The following NT5C3A variants were observed in gnomAD, a reference collection of about 807,000 sequenced individuals.
NT5C3A encodes cytosolic 5'-nucleotidase 3A.
NT5C3A carries 23 observed loss-of-function variants against 40.0 expected under a neutral mutation model. That is an observed-to-expected ratio of 0.58 (90% CI 0.41 to 0.81). The LOEUF is 0.81. Among genes scored for constraint, NT5C3A ranks in the 40% least tolerant of loss-of-function variants. The probability of loss-of-function intolerance (pLI) is 0.00; values close to 1 mark genes in which losing one functional copy is unlikely to be tolerated. For synonymous variants in NT5C3A, 130 were observed against 141.4 expected (o/e 0.92, Z 0.57); for missense variants, 328 against 403.0 (o/e 0.81, Z 1.59).
intron 7 of NT5C3A, chr7:33,017,175 T>G (rs1583891172): frequency 2.5e-6 from 1 of 401,936 alleles, no homozygotes; most frequent in Non-Finnish European, 4.2e-6. Context: ...AGAGTGAGAC[T>G]CCATCTCAAA....
intron 1 of NT5C3A, among the ~76,000 whole-genome samples, chr7:33,052,880 A>G (rs1787427020): frequency 6.6e-6 from 1 of 152,196 alleles, no homozygotes; most frequent in African/African-American, 2.4e-5. Context: ...TAACTCGCAT[A>G]TATAACAAGT....
chr7:33,029,970 A>G (rs530357705), intron 1 of NT5C3A, among the ~76,000 whole-genome samples: 64 of 152,338 alleles, frequency 4.2e-4, no homozygotes, highest in African/African-American at 1.5e-3. Flanking sequence ...TTGTGTATTC[A>G]TAAGTAGTGA....
Position 33,042,580 on chromosome 7 carries a change from T to A in NT5C3A, c.139-15665A>T, listed in dbSNP as rs1583951712. On this transcript the variant is annotated intron_variant, in intron 1 of 8. Coordinates refer to ENST00000610140, the MANE Select transcript of NT5C3A (RefSeq NM_001002010.5). ...AAATGATGACTTAAATGTACTTTAA[T>A]ATTATTAGAGTTGACAATGGTAAGA... Among the ~76,000 whole-genome samples the A allele has an allele frequency of 2.0e-5, 3 of 152,218 alleles. No homozygotes were observed. In the South Asian group the frequency reaches 6.2e-4, roughly 32 times the overall value.
At chr7:33,049,766 G>A (rs971549707) in intron 1 of NT5C3A, among the ~76,000 whole-genome samples, 1 of 151,768 alleles carries the variant, frequency 6.6e-6, no homozygotes, top group Non-Finnish European at 1.5e-5. Flanking sequence ...TCAGGAGATC[G>A]AGACCATCCT....
At chr7:33,017,667 T>A in intron 6 of NT5C3A, 66 bp from the exon 7 acceptor site, 1 of 1,266,206 alleles carries the variant, frequency 7.9e-7, no homozygotes, top group African/African-American at 1.5e-5. Flanking sequence ...ACTTAGAAGC[T>A]AAAAAAGTGA....
chr7:33,035,436 G>A (rs1011453927), intron 1 of NT5C3A, among the ~76,000 whole-genome samples: 6 of 151,930 alleles, frequency 3.9e-5, no homozygotes, highest in South Asian at 2.1e-4. Context: ...CTGGTGATCC[G>A]CCCGCCTCGG....
chr7:33,062,662 G>A lies in NT5C3A; in HGVS notation c.44C>T (p.Ala15Val). Reference protein sequence around the residue: ...AVARVGAVASASVCALVAGVV... With the variant: ...AVARVGAVASVSVCALVAGVV... The stretch of plus-strand genomic sequence containing the variant: ...CCCCGCCACCAGGGCGCACACGCTG[G>A]CGCTCGCTACCGCGCCCACCCTCGC... The change falls in exon 1 of 9, where the codon GCC becomes GTC. Residue 15 changes from alanine (A) to valine (V), a missense_variant. By Grantham distance (64) the Ala-to-Val change is moderately conservative (BLOSUM62 0). Around this residue, in one of 3 missense-constraint regions of NT5C3A, gnomAD observed 280 missense variants for 317.2 expected, o/e 0.88. Transcript: ENST00000610140. 3.8e-6 allele frequency: 6 copies of A among 1,588,840 alleles called. No homozygotes were observed. The highest frequency in any genetic ancestry group is 5.1e-6 in the Non-Finnish European group (6 of 1,168,722).
chr7:33,035,189 G>GCT (rs746357500), intron 1 of NT5C3A, among the ~76,000 whole-genome samples: 1 of 106,204 alleles, frequency 9.4e-6, no homozygotes, highest in Non-Finnish European at 1.8e-5. Context: ...TAAGGAATGA[G>GCT]TTTTTTTTTT....
chr7:33,045,615 A>G (rs1360878020), intron 1 of NT5C3A, among the ~76,000 whole-genome samples: 2 of 151,768 alleles, frequency 1.3e-5, no homozygotes, highest in African/African-American at 4.8e-5. Context: ...GTGCGCCACC[A>G]CACCTGGCTA....
chr7:33,059,854 T>C (rs1221712463), intron 1 of NT5C3A, among the ~76,000 whole-genome samples: 1 of 152,248 alleles, frequency 6.6e-6, no homozygotes, highest in Non-Finnish European at 1.5e-5. Flanking sequence ...TCTAATCATC[T>C]TTCGCAAGCA....
chr7:33,056,626 C>T (rs776036304), intron 1 of NT5C3A, among the ~76,000 whole-genome samples: 18 of 151,582 alleles, frequency 1.2e-4, no homozygotes, highest in Non-Finnish European at 2.5e-4. Flanking sequence ...GAGCCATGAT[C>T]GCTTCATTGC....
intron 1 of NT5C3A, among the ~76,000 whole-genome samples, chr7:33,030,222 G>A (rs1786169059): frequency 6.6e-6 from 1 of 152,154 alleles, no homozygotes; most frequent in Admixed American, 6.5e-5. Flanking sequence ...ATATGTCAAA[G>A]AGTATCATAA....
chr7:33,052,308 A>C (rs550276063), intron 1 of NT5C3A, among the ~76,000 whole-genome samples: 2 of 152,012 alleles, frequency 1.3e-5, no homozygotes, highest in South Asian at 2.1e-4. Context: ...ACATGGTGAA[A>C]CCTCGTCTCT....
chr7:33,060,002 A>G (rs1787714340), intron 1 of NT5C3A, among the ~76,000 whole-genome samples: 1 of 152,108 alleles, frequency 6.6e-6, no homozygotes, highest in African/African-American at 2.4e-5. Flanking sequence ...CCCAAGCTTG[A>G]GTGCAATGGT....
chr7:33,060,232 C>T (rs926405674), intron 1 of NT5C3A, among the ~76,000 whole-genome samples: 49 of 152,130 alleles, frequency 3.2e-4, no homozygotes, highest in African/African-American at 1.2e-3. Context: ...GGATTGCAGG[C>T]GTGAGCCACT....
intron 1 of NT5C3A, among the ~76,000 whole-genome samples, chr7:33,057,818 G>C (rs1208616021): frequency 6.6e-6 from 1 of 152,176 alleles, no homozygotes; most frequent in Non-Finnish European, 1.5e-5. Flanking sequence ...TTTTTAACTG[G>C]TTGTGGAGGT....
chr7:33,036,058 G>T, intron 1 of NT5C3A: 1 of 1,214,800 alleles, frequency 8.2e-7, no homozygotes, highest in Admixed American at 1.7e-5. Flanking sequence ...ATAAATTTCA[G>T]GTTCTTCCTG....
At chr7:33,040,959 C>T (rs766180994) in intron 1 of NT5C3A, 2 of 985,226 alleles carry the variant, frequency 2.0e-6, no homozygotes, top group Non-Finnish European at 2.4e-6. Flanking sequence ...CAACTGAGGG[C>T]GGTTCCAAAA....
intron 6 of NT5C3A, among the ~76,000 whole-genome samples, chr7:33,018,534 T>C (rs145964925): frequency 1.3e-5 from 2 of 152,336 alleles, no homozygotes; most frequent in East Asian, 3.9e-4. Context: ...GTTGAAAATT[T>C]TACGAGGTAA....
Sources: gnomAD v4.1 joint callset for allele counts (sites outside exome capture counted in the v4.1 genomes callset) on GRCh38, gnomAD v4.1.1 for gene constraint, gnomAD v4.1.1 regional missense constraint, MANE v1.5 for transcripts, NCBI Gene and HGNC (gene_info 2026-07-23, HGNC 2026-07-21) for gene names.